The following GPR39 variants were observed in gnomAD, a reference collection of about 807,000 sequenced individuals.
GPR39 encodes G protein-coupled receptor 39, also known as zinc sensing receptor.
GPR39 carries 23 observed loss-of-function variants against 18.4 expected under a neutral mutation model. The observed-to-expected ratio is 1.25, with a 90% CI of 0.90 to 1.77. GPR39 has a LOEUF of 1.77. GPR39 is among the 40% of genes most tolerant of loss of function. The pLI is 0.00. For synonymous variants in GPR39, 280 were observed against 257.9 expected (o/e 1.09, Z -0.82); for missense variants, 647 against 602.4 (o/e 1.07, Z -0.78).
At chr2:132,472,600 C>A (rs892850404) in intron 1 of GPR39, among the ~76,000 whole-genome samples, 2 of 152,064 alleles carry the variant, frequency 1.3e-5, no homozygotes, top group Non-Finnish European at 2.9e-5. Context: ...GGAATGGAAA[C>A]CCACATATAT....
At chr2:132,612,311 T>G (rs756494279) in intron 1 of GPR39, among the ~76,000 whole-genome samples, 24 of 151,234 alleles carry the variant, frequency 1.6e-4, no homozygotes, top group Non-Finnish European at 3.1e-4. Flanking sequence ...AGCCTCCCCC[T>G]CCCCTCAGTC....
rs1453074834 is a variant in GPR39, at chr2:132,417,034, C to T, written c.-9C>T. ...AGTCTTTGGACCTGGTAGCCTGGTG[C>T]TCTTTCTCATGGCTTCACCCAGCCT... is the stretch of plus-strand genomic sequence containing the variant. On this transcript the variant is annotated 5_prime_UTR_variant, in exon 1 of 2. Transcript: ENST00000329321. The T allele has an allele frequency of 5.0e-6, 8 of 1,610,934 alleles. No homozygotes were observed. In the Admixed American group the frequency reaches 6.7e-5, roughly 13 times the overall value.
chr2:132,569,285 C>A (rs1311409349), intron 1 of GPR39, among the ~76,000 whole-genome samples: 2 of 152,226 alleles, frequency 1.3e-5, no homozygotes, highest in African/African-American at 4.8e-5. Context: ...TTCCTGTGGT[C>A]CCCTCTGCCT....
chr2:132,445,038 C>T (rs1680509732), intron 1 of GPR39, among the ~76,000 whole-genome samples: 1 of 152,096 alleles, frequency 6.6e-6, no homozygotes, highest in Non-Finnish European at 1.5e-5. Flanking sequence ...CCCATCCATT[C>T]CCTTTATTTA....
intron 1 of GPR39, among the ~76,000 whole-genome samples, chr2:132,439,179 A>C (rs1680389995): frequency 6.6e-6 from 1 of 152,244 alleles, no homozygotes; most frequent in Non-Finnish European, 1.5e-5. Context: ...TTAAAGCAGC[A>C]GTTAAACTCG....
At chr2:132,614,346 A>G (rs1416517648) in intron 1 of GPR39, among the ~76,000 whole-genome samples, 1 of 151,670 alleles carries the variant, frequency 6.6e-6, no homozygotes, top group African/African-American at 2.4e-5. Flanking sequence ...AGCTGGGACT[A>G]CAGGTGCATG....
chr2:132,468,261 G>C (rs1680967978), intron 1 of GPR39, among the ~76,000 whole-genome samples: 1 of 152,172 alleles, frequency 6.6e-6, no homozygotes, highest in African/African-American at 2.4e-5. Flanking sequence ...TCCTCAAAAA[G>C]AGTTTACCTT....
intron 1 of GPR39, chr2:132,644,854 C>T (rs1681966072): frequency 3.9e-6 from 2 of 508,540 alleles, no homozygotes; most frequent in Admixed American, 3.7e-5. Flanking sequence ...GGTATAAATA[C>T]ACTGTCTAAA....
chr2:132,496,534 A>G (rs1681645567), intron 1 of GPR39, among the ~76,000 whole-genome samples: 1 of 152,240 alleles, frequency 6.6e-6, no homozygotes, highest in Admixed American at 6.5e-5. Flanking sequence ...CAAGGCAAAT[A>G]AAACAGAAGT....
At chr2:132,451,562 G>T (rs1680633309) in intron 1 of GPR39, among the ~76,000 whole-genome samples, 1 of 152,128 alleles carries the variant, frequency 6.6e-6, no homozygotes, top group African/African-American at 2.4e-5. Context: ...ACATGGGCTT[G>T]ACAACAGGCT....
chr2:132,598,378 T>TTA (rs2104838402), intron 1 of GPR39, among the ~76,000 whole-genome samples: 1 of 150,932 alleles, frequency 6.6e-6, no homozygotes, highest in African/African-American at 2.4e-5. Flanking sequence ...TTTTTTTTTT[T>TTA]AAGATAATGA....
At chr2:132,458,460 G>GTGTT (rs1680774938) in intron 1 of GPR39, among the ~76,000 whole-genome samples, 1 of 53,508 alleles carries the variant, frequency 1.9e-5, no homozygotes, top group Admixed American at 1.5e-4. Context: ...CGGTGTGTTT[G>GTGTT]TGTGTGTGTG....
intron 1 of GPR39, among the ~76,000 whole-genome samples, chr2:132,584,691 G>A (rs926144581): frequency 1.3e-5 from 2 of 152,112 alleles, no homozygotes; most frequent in Non-Finnish European, 2.9e-5. Flanking sequence ...CTCACTTCTA[G>A]AGGCTTCTAA....
chr2:132,606,663 G>A (rs1291011041), intron 1 of GPR39, among the ~76,000 whole-genome samples: 1 of 152,234 alleles, frequency 6.6e-6, no homozygotes, highest in Admixed American at 6.5e-5. Context: ...TAAGGGCAGA[G>A]GGCTTTCTGT....
At chr2:132,588,996 C>T (rs780177483) in intron 1 of GPR39, among the ~76,000 whole-genome samples, 1 of 133,786 alleles carries the variant, frequency 7.5e-6, no homozygotes, top group Non-Finnish European at 1.6e-5. Flanking sequence ...TAGAACAGCT[C>T]TAACTTAGAC....
intron 1 of GPR39, among the ~76,000 whole-genome samples, chr2:132,505,052 C>A (rs1441204080): frequency 1.3e-5 from 2 of 152,040 alleles, no homozygotes; most frequent in Non-Finnish European, 2.9e-5. Flanking sequence ...TAACAAAATA[C>A]CTAAAACTGG....
intron 1 of GPR39, among the ~76,000 whole-genome samples, chr2:132,424,025 G>T (rs762658379): frequency 2.6e-5 from 4 of 152,190 alleles, no homozygotes; most frequent in Non-Finnish European, 5.9e-5. Flanking sequence ...CTTTGAAAGG[G>T]TTATGATTCC....
chr2:132,483,042 C>A (rs1681264467), intron 1 of GPR39, among the ~76,000 whole-genome samples: 1 of 152,190 alleles, frequency 6.6e-6, no homozygotes, highest in Non-Finnish European at 1.5e-5. Flanking sequence ...CTGATATGAA[C>A]TCTGCCACGT....
Position 132,432,037 on chromosome 2 carries a change from C to T in GPR39, c.856+14139C>T, listed in dbSNP as rs965786137. Among the ~76,000 whole-genome samples, 6 of 152,268 alleles carry T rather than the reference C, an allele frequency of 3.9e-5. No homozygotes were observed. The East Asian group carries it at 1.2e-3, about 29-fold the overall frequency. ...TCCTTGGCTTGTGGTTGTGTTACCC[C>T]AGTCTCCAAGGCCAACATCTTCAGA... is the stretch of plus-strand genomic sequence containing the variant. On this transcript the variant is annotated intron_variant, in intron 1 of 1. Coordinates refer to ENST00000329321, the MANE Select transcript of GPR39 (RefSeq NM_001508.3).
Sources: gnomAD v4.1 joint callset for allele counts (sites outside exome capture counted in the v4.1 genomes callset) on GRCh38, gnomAD v4.1.1 for gene constraint, MANE v1.5 for transcripts, NCBI Gene and HGNC (gene_info 2026-07-23, HGNC 2026-07-21) for gene names.